LRMDA: variants seen among roughly 807,000 people sequenced by gnomAD.
The protein encoded by LRMDA is leucine-rich melanocyte differentiation-associated protein.
In LRMDA, 18 loss-of-function variants were observed where a neutral mutation model predicts 29.8. The observed-to-expected ratio is 0.60, with a 90% CI of 0.42 to 0.90. The LOEUF (loss-of-function observed/expected upper bound fraction) is 0.90. Among genes scored for constraint, LRMDA ranks in the 40% least tolerant of loss-of-function variants. The pLI is 0.00. For synonymous variants in LRMDA, 125 were observed against 109.4 expected, an observed-to-expected ratio of 1.14 and a Z score of -0.89; for missense variants, 273 against 273.9, an observed-to-expected ratio of 1.00 and a Z score of 0.02.
At chr10:75,904,581 GAGGACAGTTTTTCTTCTCC>G (rs1845728209) in intron 2 of LRMDA, among the ~76,000 whole-genome samples, 1 of 152,190 alleles carries the variant, frequency 6.6e-6, no homozygotes, top group Admixed American at 6.5e-5. Context: ...CCACACTAAA[GAGGACAGTTTTTCTTCTCC>G]AGGACATTGA....
At chr10:76,316,902 A>G (rs1007815258) in intron 5 of LRMDA, among the ~76,000 whole-genome samples, 1 of 152,248 alleles carries the variant, frequency 6.6e-6, no homozygotes, top group Non-Finnish European at 1.5e-5. Context: ...TGCTATTAGT[A>G]AATTCCTTCT....
intron 2 of LRMDA, among the ~76,000 whole-genome samples, chr10:75,672,284 C>T (rs941977995): frequency 6.6e-5 from 10 of 152,006 alleles, no homozygotes; most frequent in African/African-American, 9.6e-5. Flanking sequence ...CAGACAAGCC[C>T]GGAAAAGGGG....
chr10:75,802,341 A>G lies in LRMDA; in HGVS notation c.132-233667A>G, dbSNP rs879783581. On this transcript the variant is annotated intron_variant, in intron 2 of 6. Transcript: ENST00000611255. Reference sequence around the variant, plus strand: ...TCTAAACACACACACACGCGCACACACACACACACACACACACACACACAC... The same window carrying G: ...TCTAAACACACACACACGCGCACACGCACACACACACACACACACACACAC... Among the ~76,000 whole-genome samples the G allele has an allele frequency of 6.3e-3, 870 of 137,428 alleles. 5 individuals carry two copies. Among genetic ancestry groups the G allele is most frequent in the Admixed American group, 0.013 (179 of 13,328 alleles). 90.2% of individuals were successfully genotyped at this position (137,428 alleles called of 152,430 possible).
chr10:75,696,498 TG>T (rs1230746625), intron 2 of LRMDA, among the ~76,000 whole-genome samples: 2 of 152,254 alleles, frequency 1.3e-5, no homozygotes, highest in Admixed American at 1.3e-4. Flanking sequence ...AACTATTGAT[TG>T]GTTATTCACA....
At chr10:75,470,264 AG>A (rs1426681104) in intron 2 of LRMDA, among the ~76,000 whole-genome samples, 2 of 152,236 alleles carry the variant, frequency 1.3e-5, no homozygotes, top group Non-Finnish European at 2.9e-5. Flanking sequence ...TGGGAGGCCG[AG>A]GCAGGCAGAT....
chr10:75,552,375 T>C, intron 2 of LRMDA: 1 of 186,742 alleles, frequency 5.4e-6, no homozygotes, highest in South Asian at 8.1e-5. Flanking sequence ...GCATTCTTTC[T>C]GTTGAGCAGT....
chr10:76,126,459 G>A (rs1181813046), intron 5 of LRMDA, among the ~76,000 whole-genome samples: 1 of 152,136 alleles, frequency 6.6e-6, no homozygotes, highest in African/African-American at 2.4e-5. Flanking sequence ...TAGAACTGCT[G>A]GTAGGATTCT....
chr10:75,724,873 GC>G (rs1842612539), intron 2 of LRMDA, among the ~76,000 whole-genome samples: 1 of 152,156 alleles, frequency 6.6e-6, no homozygotes, highest in African/African-American at 2.4e-5. Context: ...GTCTCTAGAT[GC>G]CTGTCTCCAG....
At chr10:76,307,005 G>A (rs1019050598) in intron 5 of LRMDA, among the ~76,000 whole-genome samples, 5 of 152,180 alleles carry the variant, frequency 3.3e-5, no homozygotes, top group Admixed American at 2.0e-4. Flanking sequence ...AGTGGAGGAA[G>A]CCTGGGGTGT....
chr10:75,554,899 A>T (rs564037169), intron 2 of LRMDA, among the ~76,000 whole-genome samples: 31 of 152,302 alleles, frequency 2.0e-4, no homozygotes, highest in African/African-American at 7.5e-4. Context: ...TTTTCTTTTT[A>T]TATTTCCTTA....
In LRMDA at chr10:75,592,620, T is replaced by C. The variant is rs565857533; in HGVS notation, c.131+154126T>C. Among the ~76,000 whole-genome samples the C allele has an allele frequency of 2.0e-5, 3 of 152,276 alleles. No homozygotes were observed. The South Asian group carries it at 6.2e-4, about 32-fold the overall frequency. ...CAAGCAGCACTGGGCAGCTCTACCG[T>C]CGTCGGGCATAACGGGTTTCCTCGC... On this transcript the variant is annotated intron_variant, in intron 2 of 6. Coordinates refer to ENST00000611255, the MANE Select transcript of LRMDA (RefSeq NM_001305581.2).
chr10:75,952,692 A>G (rs1024111504), intron 2 of LRMDA, among the ~76,000 whole-genome samples: 3 of 152,194 alleles, frequency 2.0e-5, no homozygotes, highest in Non-Finnish European at 4.4e-5. Flanking sequence ...CGGGTTGGGA[A>G]GTTCCTTTCC....
intron 2 of LRMDA, among the ~76,000 whole-genome samples, chr10:75,630,539 A>G (rs1173571160): frequency 6.6e-6 from 1 of 152,206 alleles, no homozygotes; most frequent in African/African-American, 2.4e-5. Context: ...AGTCCCAAGA[A>G]GAAATCTTCT....
chr10:76,046,868 G>A lies in LRMDA; in HGVS notation c.259-296G>A, dbSNP rs560813763. 6.4e-4 allele frequency among the ~76,000 whole-genome samples: 97 copies of A among 152,184 alleles called. 3 individuals are homozygous for A. The highest frequency in any genetic ancestry group is 9.1e-4 in the Non-Finnish European group (62 of 68,036). On this transcript the variant is annotated intron_variant, in intron 3 of 6. Transcript: ENST00000611255. ...TTACTCTATGGAATCTTCCCTTTTG[G>A]TGTGTTTTAGAAACAGAACTATAGA...
At chr10:75,971,439 TAA>T (rs1846969245) in intron 2 of LRMDA, among the ~76,000 whole-genome samples, 1 of 152,204 alleles carries the variant, frequency 6.6e-6, no homozygotes, top group South Asian at 2.1e-4. Flanking sequence ...AATCTGATAC[TAA>T]AGTGGAAGCC....
At chr10:76,242,526 C>T (rs554882967) in intron 5 of LRMDA, among the ~76,000 whole-genome samples, 5 of 152,146 alleles carry the variant, frequency 3.3e-5, no homozygotes, top group African/African-American at 7.2e-5. Context: ...ATAGATGCAT[C>T]GTGCCAATAT....
At chr10:75,611,855 G>A (rs1205797489) in intron 2 of LRMDA, among the ~76,000 whole-genome samples, 1 of 152,182 alleles carries the variant, frequency 6.6e-6, no homozygotes, top group Non-Finnish European at 1.5e-5. Context: ...ACAACTGTTC[G>A]ACTTGGTCCT....
At chr10:75,448,691 C>T (rs1437801769) in intron 2 of LRMDA, among the ~76,000 whole-genome samples, 2 of 152,226 alleles carry the variant, frequency 1.3e-5, no homozygotes, top group Non-Finnish European at 2.9e-5. Flanking sequence ...ACTATGCCAA[C>T]TGCAGCCTGT....
At chr10:75,860,414 C>T (rs977674593) in intron 2 of LRMDA, among the ~76,000 whole-genome samples, 1 of 148,480 alleles carries the variant, frequency 6.7e-6, no homozygotes, top group Non-Finnish European at 1.5e-5. Context: ...CTCTGCCTCC[C>T]AGGTTCAAGT....
Sources: gnomAD v4.1 joint callset for allele counts (sites outside exome capture counted in the v4.1 genomes callset) on GRCh38, gnomAD v4.1.1 for gene constraint, MANE v1.5 for transcripts, NCBI Gene and HGNC (gene_info 2026-07-23, HGNC 2026-07-21) for gene names.